The following GOLGA6L7 variants were observed in gnomAD, a reference collection of about 807,000 sequenced individuals.
GOLGA6L7 encodes golgin A6 family like 7.
A neutral mutation model predicts 68.9 loss-of-function variants in GOLGA6L7; 29 were observed. The observed-to-expected ratio is 0.42, with a 90% CI of 0.31 to 0.57. The LOEUF is 0.57. GOLGA6L7 is among the 20% of genes least tolerant of loss of function. The pLI, the probability that GOLGA6L7 is intolerant of heterozygous loss-of-function variation, is 0.13. For synonymous variants in GOLGA6L7, 133 were observed against 197.4 expected (o/e 0.67, Z 2.73); for missense variants, 396 against 588.4 (o/e 0.67, Z 3.38).
chr15:28,843,416 TCTC>T lies in GOLGA6L7; in HGVS notation c.685_687del (p.Glu229del). 1.4e-6 allele frequency: 1 copy of T among 738,640 alleles called. No homozygotes were observed. The highest frequency in any genetic ancestry group is 1.9e-6 in the Non-Finnish European group (1 of 538,378). 45.8% of individuals were successfully genotyped at this position (738,640 alleles called of 1,614,324 possible). On this transcript the variant is annotated inframe_deletion, in exon 9 of 9. Coordinates refer to ENST00000567390, the MANE Select transcript of GOLGA6L7 (RefSeq NM_001365371.2). ...AGCTCCTCCTCCTGCCTCCACATCT[TCTC>T]CTGCAAAGTGTTGGTTTGAACCTCA...
intron 4 of GOLGA6L7, 39 bp downstream of exon 4, chr15:28,845,861 C>A (rs1157953223): frequency 9.1e-7 from 1 of 1,094,394 alleles, no homozygotes; most frequent in Non-Finnish European, 1.4e-6. Flanking sequence ...AAGAAACCTT[C>A]TCCAGAGGAC....
Position 28,845,000 on chromosome 15 carries a change from A to C in GOLGA6L7, c.462+529T>G, listed in dbSNP as rs917188941. 2.5e-5 allele frequency: 5 copies of C among 202,104 alleles called. No individual in the cohort carries two copies. In the South Asian group the frequency reaches 4.2e-4, roughly 17 times the overall value. 12.5% of individuals were successfully genotyped at this position (202,104 alleles called of 1,614,324 possible). ...TTGTTGATTTTTGAAAGAATGATACATTGGCATAGTCCAAACCTCAGAAGG... is the reference window on the plus strand; with the variant it reads ...TTGTTGATTTTTGAAAGAATGATACCTTGGCATAGTCCAAACCTCAGAAGG... On this transcript the variant is annotated intron_variant, in intron 6 of 8. Transcript: ENST00000567390.
In GOLGA6L7 at chr15:28,843,143, G is replaced by A. The variant is rs1170881883; in HGVS notation, c.961C>T (p.Arg321Trp). The change falls in exon 9 of 9, where the codon CGG becomes TGG. Residue 321 changes from arginine to tryptophan, a missense_variant. Physicochemically the swap from Arg to Trp is moderately radical, Grantham distance 101 (BLOSUM62 -3). Transcript: ENST00000567390. ...EQMRKQEEQM[R>W]KQEEQMGKQE... is the part of the protein sequence containing the mutation. ...TTCCCCATCTGCTCCTCCTGCTTCC[G>A]CATCTGCTCCTCCTGCTTCCGCATC... 4.1e-6 allele frequency: 5 copies of A among 1,221,224 alleles called. No homozygotes were observed. Among genetic ancestry groups the A allele is most frequent in the South Asian group, 5.5e-5 (2 of 36,604 alleles). The allele number at this position is 1,221,224 out of a possible 1,614,324, so 75.6% of individuals were successfully genotyped here. A position where few individuals can be genotyped will look rare whatever the true frequency, so the allele number is the denominator to read the frequency against.
chr15:28,844,531 A>G (rs927215048), intron 6 of GOLGA6L7, among the ~76,000 whole-genome samples: 6 of 149,792 alleles, frequency 4.0e-5, no homozygotes, highest in Non-Finnish European at 8.8e-5. Flanking sequence ...CCCGGCTTCA[A>G]GCGATTCTTC....
intron 2 of GOLGA6L7, 78 bp from the exon 3 acceptor site, chr15:28,846,327 G>T (rs1237734955): frequency 2.7e-6 from 2 of 732,132 alleles, no homozygotes; most frequent in East Asian, 5.0e-5. Flanking sequence ...GGTAGGCAGG[G>T]GTCAGGAATG....
Position 28,846,061 on chromosome 15 carries a change from G to A in GOLGA6L7, c.211-111C>T, listed in dbSNP as rs1054130410. 4.1e-5 allele frequency: 33 copies of A among 800,710 alleles called. 1 individual carries two copies. Among genetic ancestry groups the A allele is most frequent in the Non-Finnish European group, 6.9e-5 (32 of 464,648 alleles). 49.6% of individuals were successfully genotyped at this position (800,710 alleles called of 1,614,324 possible). ...CTGTCCCAGGACAGGCCCACCCATG[G>A]GACCAGGTTATCAGGGACCCTGTGG... On this transcript the variant is annotated intron_variant, in intron 3 of 8. Transcript: ENST00000567390.
rs537252784 is a variant in GOLGA6L7 at position 28,845,328 on chromosome 15, G to A, written c.462+201C>T. The A allele has an allele frequency of 1.4e-3, 917 of 666,398 alleles. 1 individual carries two copies. Among genetic ancestry groups the A allele is most frequent in the Non-Finnish European group, 1.9e-3 (681 of 365,672 alleles). 41.3% of individuals were successfully genotyped at this position (666,398 alleles called of 1,614,324 possible). ...CCTCCGAGCTCTGTGTCCAGTGCTC[G>A]CTCCCCACAGCGCCCCGCAACTCAC... is the stretch of plus-strand genomic sequence containing the variant. On this transcript the variant is annotated intron_variant, in intron 6 of 8. Transcript: ENST00000567390.
At chr15:28,844,171 C>G (rs2030322352) in intron 7 of GOLGA6L7, 34 bp downstream of exon 7, 1 of 481,318 alleles carries the variant, frequency 2.1e-6, no homozygotes, top group Non-Finnish European at 3.6e-6. Flanking sequence ...GCTAAGGGCT[C>G]TCAGACCTCC....
chr15:28,843,727 C>T lies in GOLGA6L7; in HGVS notation c.663+7G>A, dbSNP rs1321154011. The T allele has an allele frequency of 1.4e-5, 9 of 655,622 alleles. No homozygotes were observed. Among genetic ancestry groups the T allele is most frequent in the Admixed American group, 4.8e-5 (2 of 41,872 alleles). The allele number at this position is 655,622 out of a possible 1,614,324, so 40.6% of individuals were successfully genotyped here. A position where few individuals can be genotyped will look rare whatever the true frequency, so the allele number is the denominator to read the frequency against. ...GCTCCCACACCCCCGGGGCTGCCGC[C>T]GCTCACCTGTGGCAGCGGGATTTTG... On this transcript the variant is annotated splice_region_variant and intron_variant, in intron 8 of 8. Coordinates refer to ENST00000567390, the MANE Select transcript of GOLGA6L7 (RefSeq NM_001365371.2).
chr15:28,843,303 C>A lies in GOLGA6L7; in HGVS notation c.801G>T (p.Gln267His). ...GCTCCTGCTCCCGCAGCTCCTTCTC[C>A]TGGTCCCGCAGCCTCTGCTCCTGTC... Reference protein sequence around the residue: ...MWRQEQRLRDQEKELREQEQQ... With the variant: ...MWRQEQRLRDHEKELREQEQQ... Residue 267 changes from glutamine (Q) to histidine (H), a missense_variant, in exon 9 of 9, where the codon CAG becomes CAT. Gln to His is a conservative substitution (Grantham distance 24). Transcript: ENST00000567390. 8.4e-7 allele frequency: 1 copy of A among 1,192,788 alleles called. No individual in the cohort carries two copies. Among genetic ancestry groups the A allele is most frequent in the Non-Finnish European group, 1.1e-6 (1 of 937,642 alleles). 73.9% of individuals were successfully genotyped at this position (1,192,788 alleles called of 1,614,324 possible).
rs751020699 is a variant in GOLGA6L7 at position 28,845,924 on chromosome 15, C to G, written c.237G>C (p.Gln79His). 2 of 1,282,878 alleles carry G rather than the reference C, an allele frequency of 1.6e-6. No homozygotes were observed. The allele number at this position is 1,282,878 out of a possible 1,614,324, so 79.5% of individuals were successfully genotyped here. The change falls in exon 4 of 9, where the codon CAG (glutamine) becomes CAC (histidine). Residue 79 changes from glutamine to histidine, a missense_variant. By Grantham distance (24) the Gln-to-His change is conservative (BLOSUM62 0). Coordinates refer to ENST00000567390, the MANE Select transcript of GOLGA6L7 (RefSeq NM_001365371.2). Reference sequence around the variant, plus strand: ...CCTCTAGCTGCCTCCTTAGGGCTTGCTGATGTTGGTGGCTTGCCTTATTTT... The same window carrying G: ...CCTCTAGCTGCCTCCTTAGGGCTTGGTGATGTTGGTGGCTTGCCTTATTTT... ...KEENKASHQHQQALRRQLEAQ... is the reference protein window; with the variant it reads ...KEENKASHQHHQALRRQLEAQ...
chr15:28,846,292 G>A (rs748407406), intron 2 of GOLGA6L7, 43 bp from the exon 3 acceptor site: 21 of 758,608 alleles, frequency 2.8e-5, no homozygotes, highest in South Asian at 1.7e-4. Context: ...GTGGTCCCTC[G>A]ACTCTATTCC....
At chr15:28,848,297 C>T (rs569462597) in intron 1 of GOLGA6L7, among the ~76,000 whole-genome samples, 1 of 152,030 alleles carries the variant, frequency 6.6e-6, no homozygotes, top group Non-Finnish European at 1.5e-5. Context: ...GAAAGTCACC[C>T]TGGGGTGACC....
rs555301197 is a variant in GOLGA6L7, at chr15:28,844,715, T to C, written c.463-452A>G. 7.2e-4 allele frequency among the ~76,000 whole-genome samples: 110 copies of C among 152,234 alleles called. 3 individuals are homozygous for C. In the Middle Eastern group the frequency reaches 0.01, roughly 14 times the overall value. On this transcript the variant is annotated intron_variant, in intron 6 of 8. Coordinates refer to ENST00000567390, the MANE Select transcript of GOLGA6L7 (RefSeq NM_001365371.2). ...AATATTGTTATTGCTATTACTGTTA[T>C]TATTACCACTGTTGGAACCTTTCTT...
Position 28,843,782 on chromosome 15 carries a change from G to C in GOLGA6L7, c.615C>G (p.Ile205Met). The change falls in exon 8 of 9, where the codon ATC becomes ATG. Residue 205 changes from isoleucine to methionine, a missense_variant. This residue lies in a region of GOLGA6L7 where 125 missense variants were observed against 119.4 expected (regional missense o/e 1.05). Coordinates refer to ENST00000567390, the MANE Select transcript of GOLGA6L7 (RefSeq NM_001365371.2). ...TCTCCAGTTTCCTTTTTAGCTCCTT[G>C]ATGTGGAGCTGGATCTCAGACTTTT... ...ETEKSEIQLH[I>M]KELKRKLETD... 1 of 684,952 alleles carries C rather than the reference G, an allele frequency of 1.5e-6. No homozygotes were observed. The highest frequency in any genetic ancestry group is 1.6e-5 in the South Asian group (1 of 62,190). The allele number at this position is 684,952 out of a possible 1,614,324, so 42.4% of individuals were successfully genotyped here.
rs150971465 is a variant in GOLGA6L7 at position 28,845,552 on chromosome 15, C to T, written c.439G>A (p.Ala147Thr). 76 of 741,910 alleles carry T rather than the reference C, an allele frequency of 1.0e-4. 1 individual carries two copies. Among genetic ancestry groups the T allele is most frequent in the East Asian group, 8.3e-4 (31 of 37,490 alleles). The allele number at this position is 741,910 out of a possible 1,614,324, so 46.0% of individuals were successfully genotyped here. ...ACCTTGTCCGCCCTCTCGTGCTCTG[C>T]GGACATAGCAGAGAGAGCCCGCTGT... ...ELQRALSAMS[A>T]EHERADKYIK... Residue 147 changes from alanine (A) to threonine (T), a missense_variant, in exon 6 of 9, where the codon GCA (alanine) becomes ACA (threonine). Coordinates refer to ENST00000567390, the MANE Select transcript of GOLGA6L7 (RefSeq NM_001365371.2).
intron 7 of GOLGA6L7, 106 bp downstream of exon 7, chr15:28,844,099 T>A (rs1327137486): frequency 7.3e-6 from 4 of 547,756 alleles, no homozygotes; most frequent in South Asian, 2.7e-5. Context: ...CACACACATG[T>A]AAACCTGTAT....
chr15:28,845,954 T>C lies in GOLGA6L7; in HGVS notation c.211-4A>G, dbSNP rs752385847. The C allele has an allele frequency of 1.6e-6, 2 of 1,220,514 alleles. No homozygotes were observed. The highest frequency in any genetic ancestry group is 2.4e-5 in the East Asian group (1 of 42,360). 75.6% of individuals were successfully genotyped at this position (1,220,514 alleles called of 1,614,324 possible). On this transcript the variant is annotated splice_region_variant and splice_polypyrimidine_tract_variant and intron_variant, in intron 3 of 8. Coordinates refer to ENST00000567390, the MANE Select transcript of GOLGA6L7 (RefSeq NM_001365371.2). ...GTTGGTGGCTTGCCTTATTTTCCTATAGAAAAGAAGAGGAAGACAGAGCTC... is the reference window on the plus strand; with the variant it reads ...GTTGGTGGCTTGCCTTATTTTCCTACAGAAAAGAAGAGGAAGACAGAGCTC...
chr15:28,843,092 C>G lies in GOLGA6L7; in HGVS notation c.1012G>C (p.Glu338Gln). The change falls in exon 9 of 9, where the codon GAG (glutamate) becomes CAG (glutamine). Residue 338 changes from glutamate to glutamine, a missense_variant. Transcript: ENST00000567390. ...GKQEEQMGEQ[E>Q]EQMRKQEKQM... ...TTCTCCTGCTTCCGCATCTGCTCCT[C>G]CTGCTCCCCCATCTGCTCCTCCTGC... The G allele has an allele frequency of 7.7e-7, 1 of 1,299,264 alleles. No homozygotes were observed. Among genetic ancestry groups the G allele is most frequent in the Non-Finnish European group, 9.7e-7 (1 of 1,027,440 alleles). The allele number at this position is 1,299,264 out of a possible 1,614,324, so 80.5% of individuals were successfully genotyped here.
Sources: allele counts gnomAD v4.1 joint callset (sites outside exome capture counted in the v4.1 genomes callset), GRCh38; gene constraint gnomAD v4.1.1; regional missense constraint gnomAD v4.1.1; transcripts MANE v1.5; gene names NCBI Gene and HGNC (gene_info 2026-07-23, HGNC 2026-07-21).